Variants in LRRC53 observed in about 807,000 individuals in gnomAD.
LRRC53 encodes the protein leucine-rich repeat-containing protein 53.
In LRRC53, 25 loss-of-function variants were observed where a neutral mutation model predicts 13.6. That is an observed-to-expected ratio of 1.83 (90% CI 1.34 to 2.56). LRRC53 has a LOEUF of 2.56. LRRC53 is among the 30% of genes most tolerant of loss of function. The pLI is 0.00. For synonymous variants in LRRC53, 204 were observed against 109.8 expected (o/e 1.86, Z -5.37); for missense variants, 527 against 275.8 (o/e 1.91, Z -6.45).
Position 74,475,807 on chromosome 1 carries a change from G to A in LRRC53, c.908C>T (p.Ala303Val). ...TAAACCTAGGCAAGTGAGACCAACA[G>A]CTCCTATGACAAATAGAGAGACCAT... The part of the protein sequence containing the change: ...ALLTVLGFAG[A>V]VGLTCLGLVV... The change falls in exon 4 of 5, where the codon GCT (alanine) becomes GTT (valine). Residue 303 changes from alanine to valine, a missense_variant. Coordinates refer to ENST00000294635, the MANE Select transcript of LRRC53 (RefSeq NM_001382280.1). 1.7e-6 allele frequency: 1 copy of A among 601,928 alleles called. No individual in the cohort carries two copies. The highest frequency in any genetic ancestry group is 3.0e-6 in the Non-Finnish European group (1 of 329,636). The allele number at this position is 601,928 out of a possible 1,614,324, so 37.3% of individuals were successfully genotyped here. A position where few individuals can be genotyped will look rare whatever the true frequency, so the allele number is the denominator to read the frequency against.
rs1667972231 is a variant in LRRC53, at chr1:74,472,237, C to A, written c.1421-36G>T. 4 of 713,676 alleles carry A rather than the reference C, an allele frequency of 5.6e-6. No homozygotes were observed. In the East Asian group the frequency reaches 1.1e-4, roughly 19 times the overall value. 44.2% of individuals were successfully genotyped at this position (713,676 alleles called of 1,614,324 possible). On this transcript the variant is annotated intron_variant, in intron 4 of 4. Coordinates refer to ENST00000294635, the MANE Select transcript of LRRC53 (RefSeq NM_001382280.1). ...ATAAATGCAAGAATTTAGCACTTAG[C>A]AGAGTTTTATTACCCCAACCAAACA...
upstream of LRRC53, among the ~76,000 whole-genome samples, chr1:74,512,916 C>T (rs547899298): frequency 1.9e-4 from 29 of 152,346 alleles, 2 homozygotes; most frequent in East Asian, 5.4e-3. Flanking sequence ...TCACCTAAAG[C>T]TGGCCTTTTC....
At chr1:74,483,565 A>G (rs1353593499) in intron 1 of LRRC53, among the ~76,000 whole-genome samples, 190 bp from the exon 2 acceptor site, 1 of 152,232 alleles carries the variant, frequency 6.6e-6, no homozygotes, top group Admixed American at 6.5e-5. Context: ...ATGTTAAAGC[A>G]TTTGACTATA....
the LRRC53 span, among the ~76,000 whole-genome samples, chr1:74,533,985 G>C: frequency 6.6e-6 from 1 of 152,194 alleles, no homozygotes; most frequent in African/African-American, 2.4e-5. Flanking sequence ...GTTTCTGCAA[G>C]TCATTCGAAC....
In LRRC53 at chr1:74,483,265, C is replaced by T. The variant is rs769455962; in HGVS notation, c.85G>A (p.Val29Ile). 2.8e-6 allele frequency: 2 copies of T among 717,176 alleles called. No individual in the cohort carries two copies. Among genetic ancestry groups the T allele is most frequent in the South Asian group, 1.5e-5 (1 of 67,586 alleles). The allele number at this position is 717,176 out of a possible 1,614,324, so 44.4% of individuals were successfully genotyped here. A position where few individuals can be genotyped will look rare whatever the true frequency, so the allele number is the denominator to read the frequency against. Residue 29 changes from valine (V) to isoleucine (I), a missense_variant, in exon 2 of 5, where the codon GTA becomes ATA. Physicochemically the swap from Val to Ile is conservative, Grantham distance 29. Coordinates refer to ENST00000294635, the MANE Select transcript of LRRC53 (RefSeq NM_001382280.1). ...VTLCHQLTYIVAAPMTTRVLI... is the reference protein window; with the variant it reads ...VTLCHQLTYIIAAPMTTRVLI... The stretch of plus-strand genomic sequence containing the variant: ...TTAGAGTTATTAGTTTTATTACCTA[C>T]TATATAGGTTAGCTGGTGACAGAGG...
intron 1 of LRRC53, among the ~76,000 whole-genome samples, chr1:74,486,502 T>G (rs937735103): frequency 9.5e-6 from 1 of 105,682 alleles, no homozygotes; most frequent in Non-Finnish European, 1.8e-5. Context: ...GTTTTTTGTT[T>G]TTTGCTTTTT....
At chr1:74,524,623 C>T in the LRRC53 span, among the ~76,000 whole-genome samples, 1 of 152,144 alleles carries the variant, frequency 6.6e-6, no homozygotes, top group African/African-American at 2.4e-5. Context: ...TATTCATTCA[C>T]TTAGCAAATA....
chr1:74,514,673 A>G (rs1646322866), upstream of LRRC53, among the ~76,000 whole-genome samples: 1 of 152,148 alleles, frequency 6.6e-6, no homozygotes, highest in Non-Finnish European at 1.5e-5. Flanking sequence ...CAGTCTATCT[A>G]ATCCCAAAGC....
Position 74,470,470 on chromosome 1 carries a change from A to G in LRRC53, c.3152T>C (p.Leu1051Pro). 1 of 400,686 alleles carries G rather than the reference A, an allele frequency of 2.5e-6. No individual in the cohort carries two copies. The highest frequency in any genetic ancestry group is 4.4e-6 in the Non-Finnish European group (1 of 226,190). The allele number at this position is 400,686 out of a possible 1,614,324, so 24.8% of individuals were successfully genotyped here. Reference protein sequence around the residue: ...SPVSSQAVWHLTNSSEKGIDS... With the variant: ...SPVSSQAVWHPTNSSEKGIDS... ...AATTCCTTTTTCGCTACTATTGGTT[A>G]GGTGCCAAACGGCTTGACTACTAAC... Residue 1051 changes from leucine to proline, a missense_variant, in exon 5 of 5, where the codon CTA (leucine) becomes CCA (proline). By Grantham distance (98) the Leu-to-Pro change is moderately conservative. Transcript: ENST00000294635.
chr1:74,529,874 C>A, the LRRC53 span, among the ~76,000 whole-genome samples: 1 of 151,306 alleles, frequency 6.6e-6, no homozygotes, highest in Non-Finnish European at 1.5e-5. Flanking sequence ...CCTTGTGAAC[C>A]AGGGCTTGTT....
the LRRC53 span, among the ~76,000 whole-genome samples, chr1:74,524,883 T>C: frequency 6.6e-6 from 1 of 152,120 alleles, no homozygotes; most frequent in Admixed American, 6.5e-5. Flanking sequence ...GGCAGAGAGG[T>C]AACATCATTA....
chr1:74,533,441 G>A, the LRRC53 span, among the ~76,000 whole-genome samples: 1 of 152,176 alleles, frequency 6.6e-6, no homozygotes, highest in Non-Finnish European at 1.5e-5. Flanking sequence ...TGGAGAAATA[G>A]GAACACTTTT....
intron 1 of LRRC53, among the ~76,000 whole-genome samples, chr1:74,489,949 T>C (rs1342150531): frequency 6.8e-6 from 1 of 147,548 alleles, no homozygotes; most frequent in Non-Finnish European, 1.5e-5. Flanking sequence ...TGCATTTGCA[T>C]ATGCAGGGAA....
intron 3 of LRRC53, 123 bp downstream of exon 3, chr1:74,480,030 A>G: frequency 1.6e-6 from 1 of 608,956 alleles, no homozygotes; most frequent in Non-Finnish European, 2.9e-6. Flanking sequence ...TCCCACATCT[A>G]CTGGCAACCT....
At chr1:74,517,835 G>A in the LRRC53 span, among the ~76,000 whole-genome samples, 2 of 152,236 alleles carry the variant, frequency 1.3e-5, no homozygotes, top group Admixed American at 1.3e-4. Flanking sequence ...AAAACTGCTG[G>A]GCCCACTACC....
the LRRC53 span, among the ~76,000 whole-genome samples, chr1:74,518,254 A>T: frequency 6.6e-6 from 1 of 152,198 alleles, no homozygotes; most frequent in Non-Finnish European, 1.5e-5. Flanking sequence ...TTCAGTCTGG[A>T]TGGCTAGAAG....
chr1:74,486,354 G>A (rs760974306), intron 1 of LRRC53, among the ~76,000 whole-genome samples: 21 of 151,882 alleles, frequency 1.4e-4, no homozygotes, highest in Admixed American at 7.9e-4. Context: ...AGAGTTTCTC[G>A]TTGTTTTCTG....
chr1:74,512,634 C>T (rs576247128), upstream of LRRC53: 20 of 152,236 alleles, frequency 1.3e-4, no homozygotes, highest in African/African-American at 4.3e-4. Flanking sequence ...TGCCTTATTC[C>T]TCTTTATATG....
chr1:74,474,011 C>T (rs565347150), intron 4 of LRRC53, among the ~76,000 whole-genome samples: 3 of 152,024 alleles, frequency 2.0e-5, no homozygotes, highest in Non-Finnish European at 2.9e-5. Context: ...CCTCAAATAC[C>T]TGCCCTCTCT....
Sources: allele counts gnomAD v4.1 joint callset (sites outside exome capture counted in the v4.1 genomes callset), GRCh38; gene constraint gnomAD v4.1.1; transcripts MANE v1.5; gene names NCBI Gene and HGNC (gene_info 2026-07-23, HGNC 2026-07-21).